The following NRXN1 variants were observed in gnomAD, a reference collection of about 807,000 sequenced individuals.
NRXN1 encodes the protein neurexin 1.
NRXN1 carries 39 observed loss-of-function variants against 150.9 expected under a neutral mutation model. That is an observed-to-expected ratio of 0.26 (90% CI 0.20 to 0.34). The LOEUF (loss-of-function observed/expected upper bound fraction) is 0.34, where lower values mean the gene tolerates loss of function less well. Ranked by LOEUF, NRXN1 falls within the 10% of genes least tolerant of loss-of-function variation. The pLI is 1.00. For missense variants in NRXN1, 1,815 were observed against 1,949.9 expected (o/e 0.93, Z 1.30); for synonymous variants, 924 against 757.0 (o/e 1.22, Z -3.62).
At chr2:50,659,320 A>T (rs963202993) in intron 5 of NRXN1, among the ~76,000 whole-genome samples, 2 of 152,084 alleles carry the variant, frequency 1.3e-5, no homozygotes, top group Non-Finnish European at 2.9e-5. Context: ...TATGTTTAAT[A>T]TATATGAAAA....
Position 50,899,036 on chromosome 2 carries a change from G to A in NRXN1, c.832+22833C>T, listed in dbSNP as rs541271455. ...CTGAATGCAGACACAGCTTGAAAAAGAAGATGATGTATTTTCCATGGAGCA... is the reference window on the plus strand; with the variant it reads ...CTGAATGCAGACACAGCTTGAAAAAAAAGATGATGTATTTTCCATGGAGCA... On this transcript the variant is annotated intron_variant, in intron 5 of 22. Coordinates refer to ENST00000401669, the MANE Select transcript of NRXN1 (RefSeq NM_001330078.2). Among the ~76,000 whole-genome samples the A allele has an allele frequency of 3.3e-5, 5 of 152,176 alleles. No homozygotes were observed. The East Asian group carries it at 9.7e-4, about 29-fold the overall frequency.
intron 5 of NRXN1, among the ~76,000 whole-genome samples, chr2:50,791,090 T>G (rs993296469): frequency 4.6e-5 from 7 of 151,770 alleles, no homozygotes; most frequent in South Asian, 2.1e-4. Context: ...TTATGTTGTT[T>G]TTTTTTTTCA....
intron 5 of NRXN1, among the ~76,000 whole-genome samples, chr2:50,840,137 T>A (rs1190050001): frequency 1.3e-5 from 2 of 152,178 alleles, no homozygotes; most frequent in African/African-American, 4.8e-5. Context: ...TGATATATAG[T>A]CTCATTATTT....
chr2:50,555,191 G>A (rs552928727), intron 8 of NRXN1, among the ~76,000 whole-genome samples: 19 of 152,104 alleles, frequency 1.2e-4, no homozygotes, highest in Non-Finnish European at 2.6e-4. Flanking sequence ...TCAAGAATAA[G>A]TATTTTCAGA....
At chr2:50,881,101 A>T (rs1300259549) in intron 5 of NRXN1, among the ~76,000 whole-genome samples, 1 of 151,942 alleles carries the variant, frequency 6.6e-6, no homozygotes, top group Non-Finnish European at 1.5e-5. Context: ...GAACTTACCC[A>T]GACTTCTCTG....
chr2:50,975,730 C>T (rs926389795), intron 2 of NRXN1, among the ~76,000 whole-genome samples: 7 of 152,112 alleles, frequency 4.6e-5, no homozygotes, highest in African/African-American at 9.6e-5. Flanking sequence ...TGAATTCACA[C>T]GGGAATGCGA....
chr2:50,218,099 T>C lies in NRXN1; in HGVS notation c.3546+18690A>G, dbSNP rs574456525. Among the ~76,000 whole-genome samples, 9 of 152,206 alleles carry C rather than the reference T, an allele frequency of 5.9e-5. No individual in the cohort carries two copies. The South Asian group carries it at 1.9e-3, about 32-fold the overall frequency. On this transcript the variant is annotated intron_variant, in intron 18 of 22. Transcript: ENST00000401669. ...AGGCAAAATTCACTCTTCTTTCTTATATGCTACTATTATAAATTTCAGTGC... is the reference window on the plus strand; with the variant it reads ...AGGCAAAATTCACTCTTCTTTCTTACATGCTACTATTATAAATTTCAGTGC...
chr2:50,857,886 G>C (rs1356432208), intron 5 of NRXN1, among the ~76,000 whole-genome samples: 1 of 151,946 alleles, frequency 6.6e-6, no homozygotes, highest in African/African-American at 2.4e-5. Flanking sequence ...TTCTGCATCG[G>C]TACTGGCTGG....
At chr2:50,018,701 T>C (rs1027279695) in intron 21 of NRXN1, among the ~76,000 whole-genome samples, 14 of 152,222 alleles carry the variant, frequency 9.2e-5, no homozygotes, top group African/African-American at 3.4e-4. Flanking sequence ...CTGCCAGTTA[T>C]TTGTAACCAT....
intron 17 of NRXN1, among the ~76,000 whole-genome samples, chr2:50,296,630 C>T (rs1574974874): frequency 6.6e-6 from 1 of 151,658 alleles, no homozygotes; most frequent in Non-Finnish European, 1.5e-5. Context: ...TACTGGCTGG[C>T]TATTTTTAAA....
chr2:50,128,601 T>C (rs555972485), intron 18 of NRXN1, among the ~76,000 whole-genome samples: 1 of 152,284 alleles, frequency 6.6e-6, no homozygotes, highest in East Asian at 1.9e-4. Flanking sequence ...CTGGAATTGC[T>C]GAATACACAT....
At chr2:50,959,095 A>G (rs1692733348) in intron 2 of NRXN1, among the ~76,000 whole-genome samples, 1 of 152,128 alleles carries the variant, frequency 6.6e-6, no homozygotes, top group Admixed American at 6.6e-5. Context: ...TTTAAAACAG[A>G]CAATAACAAG....
chr2:50,521,216 T>C (rs769129405), intron 12 of NRXN1, among the ~76,000 whole-genome samples: 5 of 152,176 alleles, frequency 3.3e-5, no homozygotes, highest in Admixed American at 6.6e-5. Flanking sequence ...AAATCACGCA[T>C]TTCAAAAGCA....
chr2:50,633,607 G>C (rs559135852), intron 5 of NRXN1, among the ~76,000 whole-genome samples: 14 of 151,618 alleles, frequency 9.2e-5, no homozygotes, highest in African/African-American at 3.2e-4. Flanking sequence ...TATAAAATAA[G>C]AACACTTGAA....
chr2:50,378,681 G>A (rs1297510713), intron 17 of NRXN1, among the ~76,000 whole-genome samples: 1 of 152,022 alleles, frequency 6.6e-6, no homozygotes, highest in Non-Finnish European at 1.5e-5. Context: ...ACAGTAAGAG[G>A]GAGAAATATA....
chr2:50,375,526 A>G lies in NRXN1; in HGVS notation c.3364+89916T>C, dbSNP rs979419038. 6.6e-5 allele frequency among the ~76,000 whole-genome samples: 4 copies of G among 60,476 alleles called. 1 individual carries two copies. The highest frequency in any genetic ancestry group is 1.2e-4 in the Non-Finnish European group (4 of 32,174). The allele number at this position is 60,476 out of a possible 152,430, so 39.7% of individuals were successfully genotyped here. ...GCTCTTAATCACTAAATTTTATACT[A>G]CCTCTTTAGGTTGGATGGCATATCA... On this transcript the variant is annotated intron_variant, in intron 17 of 22. Transcript: ENST00000401669.
chr2:50,501,987 G>T lies in NRXN1; in HGVS notation c.2498-4273C>A, dbSNP rs149254894. On this transcript the variant is annotated intron_variant, in intron 13 of 22. Coordinates refer to ENST00000401669, the MANE Select transcript of NRXN1 (RefSeq NM_001330078.2). Reference sequence around the variant, plus strand: ...AAATTCTTCTCATTCAGTGATTTCTGACTTGCTGTAAAATTTAATAAGAAA... The same window carrying T: ...AAATTCTTCTCATTCAGTGATTTCTTACTTGCTGTAAAATTTAATAAGAAA... Among the ~76,000 whole-genome samples, 1,009 of 152,276 alleles carry T rather than the reference G, an allele frequency of 6.6e-3. 15 individuals are homozygous for T. Among genetic ancestry groups the T allele is most frequent in the African/African-American group, 0.023 (972 of 41,548 alleles).
chr2:50,511,865 A>ATT (rs1218769260), intron 12 of NRXN1, among the ~76,000 whole-genome samples: 1 of 152,104 alleles, frequency 6.6e-6, no homozygotes, highest in Non-Finnish European at 1.5e-5. Context: ...TTTTACTTCC[A>ATT]TTTTCACATC....
At chr2:50,984,312 T>C (rs1457135602) in intron 2 of NRXN1, among the ~76,000 whole-genome samples, 1 of 151,696 alleles carries the variant, frequency 6.6e-6, no homozygotes, top group Non-Finnish European at 1.5e-5. Flanking sequence ...GTCCTGTTTT[T>C]GTATGACTCT....
Sources: allele counts gnomAD v4.1 joint callset (sites outside exome capture counted in the v4.1 genomes callset), GRCh38; gene constraint gnomAD v4.1.1; transcripts MANE v1.5; gene names NCBI Gene and HGNC (gene_info 2026-07-23, HGNC 2026-07-21).